The following KCNMA1 variants were observed in gnomAD, a reference collection of about 807,000 sequenced individuals.
KCNMA1 encodes potassium calcium-activated channel subfamily M alpha 1.
KCNMA1 carries 29 observed loss-of-function variants against 140.0 expected under a neutral mutation model. The ratio of observed to expected loss-of-function variants is 0.21; its 90% confidence interval spans 0.15 to 0.28. The LOEUF is 0.28. Among genes scored for constraint, KCNMA1 ranks in the 10% least tolerant of loss-of-function variants. KCNMA1 has a pLI of 1.00. For synonymous variants in KCNMA1, 612 were observed against 611.9 expected (o/e 1.00, Z 0.00); for missense variants, 880 against 1,602.2 (o/e 0.55, Z 7.70).
At chr10:77,173,511 T>C (rs2098726662) in intron 5 of KCNMA1, among the ~76,000 whole-genome samples, 1 of 152,180 alleles carries the variant, frequency 6.6e-6, no homozygotes, top group Non-Finnish European at 1.5e-5. Context: ...TACATACATA[T>C]ATATACACAT....
intron 2 of KCNMA1, chr10:77,376,641 A>T (rs373620903): frequency 3.5e-4 from 2 of 5,728 alleles, no homozygotes; most frequent in African/African-American, 1.9e-3. Context: ...TTAATTCATT[A>T]AAAAAAAAAA....
intron 25 of KCNMA1, among the ~76,000 whole-genome samples, chr10:76,906,159 C>G (rs1026877044): frequency 6.6e-6 from 1 of 152,156 alleles, no homozygotes; most frequent in African/African-American, 2.4e-5. Flanking sequence ...CCAGTATTCA[C>G]TTTTCAGGGT....
At chr10:77,276,133 C>A (rs183499344) in intron 2 of KCNMA1, among the ~76,000 whole-genome samples, 61 of 152,296 alleles carry the variant, frequency 4.0e-4, no homozygotes, top group African/African-American at 1.4e-3. Context: ...TCAGAGTGAG[C>A]CTCACAGACA....
chr10:77,532,796 A>T (rs1197701051), intron 1 of KCNMA1, among the ~76,000 whole-genome samples: 1 of 152,208 alleles, frequency 6.6e-6, no homozygotes, highest in Non-Finnish European at 1.5e-5. Flanking sequence ...TCAATAGCAG[A>T]ACCAAAACCA....
intron 19 of KCNMA1, among the ~76,000 whole-genome samples, chr10:77,000,953 T>C (rs1431187076): frequency 6.8e-6 from 1 of 147,430 alleles, no homozygotes; most frequent in Non-Finnish European, 1.5e-5. Flanking sequence ...AGAAACTATC[T>C]AAGCTCACTA....
At chr10:77,349,713 G>A (rs568404199) in intron 2 of KCNMA1, among the ~76,000 whole-genome samples, 2 of 152,284 alleles carry the variant, frequency 1.3e-5, no homozygotes, top group Admixed American at 1.3e-4. Flanking sequence ...TGATTTCAAG[G>A]TTAGAATAAG....
intron 23 of KCNMA1, among the ~76,000 whole-genome samples, chr10:76,936,098 T>C (rs1486983927): frequency 1.3e-5 from 2 of 152,222 alleles, no homozygotes; most frequent in African/African-American, 4.8e-5. Flanking sequence ...TCTCTTAAGT[T>C]GAAGTCATTT....
intron 1 of KCNMA1, among the ~76,000 whole-genome samples, chr10:77,595,250 G>A (rs547344595): frequency 5.5e-4 from 83 of 151,272 alleles, no homozygotes; most frequent in African/African-American, 1.4e-3. Flanking sequence ...GGGAGACTGC[G>A]GCCAGAGAAT....
At chr10:76,950,518 G>A (rs980062616) in intron 21 of KCNMA1, among the ~76,000 whole-genome samples, 4 of 152,210 alleles carry the variant, frequency 2.6e-5, no homozygotes, top group East Asian at 1.9e-4. Flanking sequence ...GAGGCCAGCC[G>A]TGGACCTTTC....
chr10:77,482,332 G>T (rs1387152566), intron 1 of KCNMA1, among the ~76,000 whole-genome samples: 1 of 152,184 alleles, frequency 6.6e-6, no homozygotes, highest in East Asian at 1.9e-4. Flanking sequence ...AAAGGTTACA[G>T]ACACTTTGTA....
At chr10:77,223,781 G>C (rs1347548095) in intron 3 of KCNMA1, among the ~76,000 whole-genome samples, 1 of 152,158 alleles carries the variant, frequency 6.6e-6, no homozygotes, top group East Asian at 1.9e-4. Context: ...GGATCTGGTA[G>C]AGGTCATGGA....
chr10:77,143,958 C>T (rs971371959), intron 5 of KCNMA1, among the ~76,000 whole-genome samples: 6 of 152,136 alleles, frequency 3.9e-5, no homozygotes, highest in Non-Finnish European at 8.8e-5. Context: ...AGCTGGCACC[C>T]TCACACGTTG....
intron 2 of KCNMA1, among the ~76,000 whole-genome samples, chr10:77,343,532 A>G (rs2091480244): frequency 6.6e-6 from 1 of 152,144 alleles, no homozygotes; most frequent in South Asian, 2.1e-4. Flanking sequence ...GGCTGTTGGC[A>G]TTCATTTCAT....
chr10:76,969,415 ACTTTG>A, intron 20 of KCNMA1, among the ~76,000 whole-genome samples: 1 of 152,316 alleles, frequency 6.6e-6, no homozygotes, highest in African/African-American at 2.4e-5. Context: ...TTACTTTTGA[ACTTTG>A]CTTTGGCAAG....
At chr10:77,451,222 G>A (rs191597370) in intron 1 of KCNMA1, among the ~76,000 whole-genome samples, 1 of 152,288 alleles carries the variant, frequency 6.6e-6, no homozygotes, top group Non-Finnish European at 1.5e-5. Flanking sequence ...AGATACAAGA[G>A]GAGCCTGACC....
At chr10:77,248,757 T>A (rs371751963) in intron 3 of KCNMA1, among the ~76,000 whole-genome samples, 7 of 152,310 alleles carry the variant, frequency 4.6e-5, no homozygotes, top group African/African-American at 1.7e-4. Flanking sequence ...TATAATTTTT[T>A]AATAGGTTTC....
intron 18 of KCNMA1, among the ~76,000 whole-genome samples, chr10:77,009,186 G>A (rs2090073085): frequency 6.6e-6 from 1 of 152,292 alleles, no homozygotes; most frequent in South Asian, 2.1e-4. Context: ...GCTTGGCTTT[G>A]TAGAGGCAGG....
chr10:77,194,221 A>T (rs2039652627), intron 3 of KCNMA1, among the ~76,000 whole-genome samples: 1 of 152,152 alleles, frequency 6.6e-6, no homozygotes, highest in African/African-American at 2.4e-5. Flanking sequence ...AGAGCTCTCT[A>T]TTTGCCAAAG....
intron 23 of KCNMA1, among the ~76,000 whole-genome samples, chr10:76,916,625 G>A (rs1315555637): frequency 6.6e-6 from 1 of 151,988 alleles, no homozygotes; most frequent in Non-Finnish European, 1.5e-5. Context: ...AATGAATTAG[G>A]GACTTTTAGG....
Sources: allele counts gnomAD v4.1 joint callset (sites outside exome capture counted in the v4.1 genomes callset), GRCh38; gene constraint gnomAD v4.1.1; transcripts MANE v1.5; gene names NCBI Gene and HGNC (gene_info 2026-07-23, HGNC 2026-07-21).